Variants in UGT1A8 observed in about 807,000 individuals in gnomAD.
UGT1A8 encodes UDP glucuronosyltransferase family 1 member A8.
In UGT1A8, 39 loss-of-function variants were observed where a neutral mutation model predicts 45.3. That is an observed-to-expected ratio of 0.86 (90% CI 0.67 to 1.12). The LOEUF (loss-of-function observed/expected upper bound fraction) is 1.12, where lower values mean the gene tolerates loss of function less well. Ranked by LOEUF, UGT1A8 falls within the 50% of genes most tolerant of loss-of-function variation. The pLI, the probability that UGT1A8 is intolerant of heterozygous loss-of-function variation, is 0.00. For missense variants in UGT1A8, 719 were observed against 664.9 expected (o/e 1.08, Z -0.90); for synonymous variants, 275 against 249.2 (o/e 1.10, Z -0.97).
Position 233,619,496 on chromosome 2 carries a change from G to C in UGT1A8, c.855+934G>C, listed in dbSNP as rs189986851. ...TAGGGTTAGAGGGTTTTCCTGAATT[G>C]AGAAGATTGGCATCTTTTTGCTATT... On this transcript the variant is annotated intron_variant, in intron 1 of 4. Coordinates refer to ENST00000373450, the MANE Select transcript of UGT1A8 (RefSeq NM_019076.5). 6.7e-4 allele frequency among the ~76,000 whole-genome samples: 102 copies of C among 152,204 alleles called. 1 individual carries two copies. In the East Asian group the frequency reaches 0.019, roughly 28 times the overall value.
rs551912265 is a variant in UGT1A8 at position 233,725,264 on chromosome 2, G to GGAGGCAGAGGCA, written c.856-41728_856-41717dup. ...CAGAGGCAGAGGAGGCAGAGGCAGA[G>GGAGGCAGAGGCA]GAGGCAGAGGCAGAGGCAGAGGCAG... On this transcript the variant is annotated intron_variant, in intron 1 of 4. Transcript: ENST00000373450. Among the ~76,000 whole-genome samples, 48 of 58,548 alleles carry GGAGGCAGAGGCA rather than the reference G, an allele frequency of 8.2e-4. 10 individuals are homozygous for GGAGGCAGAGGCA. Among genetic ancestry groups the GGAGGCAGAGGCA allele is most frequent in the Non-Finnish European group, 1.1e-3 (35 of 32,858 alleles). 38.4% of individuals were successfully genotyped at this position (58,548 alleles called of 152,430 possible). A position where few individuals can be genotyped will look rare whatever the true frequency, so the allele number is the denominator to read the frequency against.
In UGT1A8 at chr2:233,754,967, C is replaced by T. The variant is rs562774815; in HGVS notation, c.856-12067C>T. ...ATGGGTCCCGGCCGCCAAAGAACTC[C>T]CTGAAGACCTCGGCGGGGTCACGGA... On this transcript the variant is annotated intron_variant, in intron 1 of 4. Coordinates refer to ENST00000373450, the MANE Select transcript of UGT1A8 (RefSeq NM_019076.5). 6 of 1,302,806 alleles carry T rather than the reference C, an allele frequency of 4.6e-6. No homozygotes were observed. In the African/African-American group the frequency reaches 7.5e-5, roughly 16 times the overall value. 80.7% of individuals were successfully genotyped at this position (1,302,806 alleles called of 1,614,324 possible). A position where few individuals can be genotyped will look rare whatever the true frequency, so the allele number is the denominator to read the frequency against.
chr2:233,660,641 A>G (rs1403553670), intron 1 of UGT1A8, among the ~76,000 whole-genome samples: 1 of 152,190 alleles, frequency 6.6e-6, no homozygotes, highest in African/African-American at 2.4e-5. Flanking sequence ...TTAATCATAA[A>G]TTGGACTGTA....
At chr2:233,672,150 C>T (rs1199307849) in intron 1 of UGT1A8, 1 of 1,614,182 alleles carries the variant, frequency 6.2e-7, no homozygotes, top group Non-Finnish European at 8.5e-7. Flanking sequence ...CACTGAATTG[C>T]ACAGTGAAGA....
chr2:233,757,535 A>AATAAATATACATATACATATATAT (rs1553619837), intron 1 of UGT1A8, among the ~76,000 whole-genome samples: 10 of 88,300 alleles, frequency 1.1e-4, no homozygotes, highest in South Asian at 5.2e-4. Context: ...GCCTGTAAGG[A>AATAAATATACATATACATATATAT]ATATATATAT....
chr2:233,681,809 G>T lies in UGT1A8; in HGVS notation c.855+63247G>T. 6 of 1,495,810 alleles carry T rather than the reference G, an allele frequency of 4.0e-6. 1 individual carries two copies. The Middle Eastern group carries it at 1.1e-3, about 286-fold the overall frequency. 92.7% of individuals were successfully genotyped at this position (1,495,810 alleles called of 1,614,324 possible). On this transcript the variant is annotated intron_variant, in intron 1 of 4. Transcript: ENST00000373450. ...TGAGTAAATCATTGGCAGTGAATGT[G>T]AATTTTTTTTTAAATGAATGAATAA...
rs2074538998 is a variant in UGT1A8, at chr2:233,681,773, A to C, written c.855+63211A>C. The C allele has an allele frequency of 8.5e-6, 8 of 938,028 alleles. No individual in the cohort carries two copies. In the South Asian group the frequency reaches 3.9e-4, roughly 46 times the overall value. 58.1% of individuals were successfully genotyped at this position (938,028 alleles called of 1,614,324 possible). On this transcript the variant is annotated intron_variant, in intron 1 of 4. Coordinates refer to ENST00000373450, the MANE Select transcript of UGT1A8 (RefSeq NM_019076.5). Reference sequence around the variant, plus strand: ...GCAGGTATCTCAGCAAAGGCTACTCATGTATTATTATGAGTAAATCATTGG... The same window carrying C: ...GCAGGTATCTCAGCAAAGGCTACTCCTGTATTATTATGAGTAAATCATTGG...
chr2:233,734,084 C>T (rs112644087), intron 1 of UGT1A8, among the ~76,000 whole-genome samples: 1 of 151,970 alleles, frequency 6.6e-6, no homozygotes. Flanking sequence ...TGTGCACATG[C>T]ACCCTAAAAC....
intron 1 of UGT1A8, among the ~76,000 whole-genome samples, chr2:233,712,053 A>G (rs1487339594): frequency 2.6e-5 from 4 of 152,208 alleles, no homozygotes; most frequent in Non-Finnish European, 4.4e-5. Context: ...AAAAAGCCTG[A>G]CCATAATCTT....
At chr2:233,744,831 G>GCTAGTCTAGCAGAGTAGT (rs1692937900) in intron 1 of UGT1A8, among the ~76,000 whole-genome samples, 2 of 151,816 alleles carry the variant, frequency 1.3e-5, no homozygotes. Context: ...TTTGAGAATC[G>GCTAGTCTAGCAGAGTAGT]CTAGTCTAGC....
At position 233,637,170 on chromosome 2, in the gene UGT1A8, C is replaced by A. The variant is rs140439109; in HGVS notation, c.855+18608C>A. ...GGAACCACATCGTGCACTTGGAGGA[C>A]CATTTATTTTGCCAGTATCTTTTTA... On this transcript the variant is annotated intron_variant, in intron 1 of 4. Coordinates refer to ENST00000373450, the MANE Select transcript of UGT1A8 (RefSeq NM_019076.5). 74 of 1,613,952 alleles carry A rather than the reference C, an allele frequency of 4.6e-5. 1 individual carries two copies. In the African/African-American group the frequency reaches 6.4e-4, roughly 14 times the overall value.
chr2:233,758,249 A>C (rs1008368022), intron 1 of UGT1A8, among the ~76,000 whole-genome samples: 1 of 152,236 alleles, frequency 6.6e-6, no homozygotes, highest in African/African-American at 2.4e-5. Context: ...CCCACTATTC[A>C]GATTAGTAAG....
intron 1 of UGT1A8, among the ~76,000 whole-genome samples, chr2:233,630,618 G>C (rs942334221): frequency 5.9e-5 from 9 of 152,206 alleles, no homozygotes; most frequent in Middle Eastern, 6.8e-3. Flanking sequence ...CTTCTGGTGA[G>C]GCCTCAGGAA....
chr2:233,726,096 G>T (rs1250649132), intron 1 of UGT1A8, among the ~76,000 whole-genome samples: 3 of 152,168 alleles, frequency 2.0e-5, no homozygotes, highest in African/African-American at 7.2e-5. Flanking sequence ...ATCCGAGGAG[G>T]TGGAGGCTGC....
At chr2:233,631,147 A>G (rs951504728) in intron 1 of UGT1A8, among the ~76,000 whole-genome samples, 2 of 152,134 alleles carry the variant, frequency 1.3e-5, no homozygotes, top group Non-Finnish European at 2.9e-5. Context: ...AGCTTCATCC[A>G]TGTCCCTGCA....
Position 233,632,134 on chromosome 2 carries a change from C to T in UGT1A8, c.855+13572C>T, listed in dbSNP as rs149705342. 5.5e-3 allele frequency among the ~76,000 whole-genome samples: 831 copies of T among 152,210 alleles called. 7 individuals are homozygous for T. Among genetic ancestry groups the T allele is most frequent in the African/African-American group, 0.019 (791 of 41,508 alleles). Reference sequence around the variant, plus strand: ...TGTTTTTGTCAGGTTTGTCAAAGGTCAGATGGTTGTAGATGTGTGGCATAA... The same window carrying T: ...TGTTTTTGTCAGGTTTGTCAAAGGTTAGATGGTTGTAGATGTGTGGCATAA... On this transcript the variant is annotated intron_variant, in intron 1 of 4. Transcript: ENST00000373450.
At chr2:233,763,256 T>A (rs1698270689) in intron 1 of UGT1A8, among the ~76,000 whole-genome samples, 1 of 152,234 alleles carries the variant, frequency 6.6e-6, no homozygotes. Flanking sequence ...GTAACCTGTT[T>A]TGTCTTGTTG....
rs76915905 is a variant in UGT1A8, at chr2:233,721,524, C to T, written c.856-45510C>T. The T allele has an allele frequency of 8.1e-3, 1,365 of 167,890 alleles. 11 individuals carry two copies. The highest frequency in any genetic ancestry group is 0.011 in the Non-Finnish European group (835 of 78,422). 10.4% of individuals were successfully genotyped at this position (167,890 alleles called of 1,614,324 possible). A position where few individuals can be genotyped will look rare whatever the true frequency, so the allele number is the denominator to read the frequency against. ...GCATTTATTTTATGCTGAATTTCTT[C>T]CAGAGCCATAGGTAAATTTTTTCTT... On this transcript the variant is annotated intron_variant, in intron 1 of 4. Coordinates refer to ENST00000373450, the MANE Select transcript of UGT1A8 (RefSeq NM_019076.5).
At chr2:233,630,704 G>A (rs2073171065) in intron 1 of UGT1A8, among the ~76,000 whole-genome samples, 4 of 152,030 alleles carry the variant, frequency 2.6e-5, no homozygotes, top group South Asian at 2.1e-4. Flanking sequence ...AGAGACAGGG[G>A]AGATGGCACA....
Sources: gnomAD v4.1 joint callset for allele counts (sites outside exome capture counted in the v4.1 genomes callset) on GRCh38, gnomAD v4.1.1 for gene constraint, MANE v1.5 for transcripts, NCBI Gene and HGNC (gene_info 2026-07-23, HGNC 2026-07-21) for gene names.